Variants in DPYSL4 observed in about 807,000 individuals in gnomAD.
DPYSL4 encodes dihydropyrimidinase like 4, also known as dihydropyrimidinase-related protein 4.
A neutral mutation model predicts 63.4 loss-of-function variants in DPYSL4; 43 were observed. That is an observed-to-expected ratio of 0.68 (90% CI 0.53 to 0.88). The LOEUF (loss-of-function observed/expected upper bound fraction) is 0.88, where lower values mean the gene tolerates loss of function less well. DPYSL4 is among the 40% of genes least tolerant of loss of function. DPYSL4 has a pLI of 0.00. For synonymous variants in DPYSL4, 353 were observed against 331.7 expected, an observed-to-expected ratio of 1.06 and a Z score of -0.70; for missense variants, 733 against 819.5, an observed-to-expected ratio of 0.89 and a Z score of 1.29.
At position 132,202,703 on chromosome 10, in the gene DPYSL4, A is replaced by T. The variant is rs769780529; in HGVS notation, c.1339A>T (p.Ile447Leu). 2 of 1,613,402 alleles carry T rather than the reference A, an allele frequency of 1.2e-6. No homozygotes were observed. The highest frequency in any genetic ancestry group is 4.5e-5 in the East Asian group (2 of 44,864). The change falls in exon 12 of 14, where the codon ATA becomes TTA. Residue 447 changes from isoleucine (I) to leucine (L), a missense_variant. Ile to Leu is a conservative substitution (Grantham distance 5). Transcript: ENST00000338492. Reference protein sequence around the residue: ...VECRGAPAVVISQGRVALEDG... With the variant: ...VECRGAPAVVLSQGRVALEDG... ...GTGCCGGGGAGCGCCTGCCGTGGTC[A>T]TAAGTCAGGGCCGAGTGGCGCTGGA...
intron 3 of DPYSL4, among the ~76,000 whole-genome samples, chr10:132,194,408 C>T (rs1321543783): frequency 5.9e-5 from 9 of 152,212 alleles, no homozygotes; most frequent in Non-Finnish European, 1.3e-4. Context: ...GAAACCAGCC[C>T]AGCTCCCACT....
At position 132,187,110 on chromosome 10, in the gene DPYSL4, C is replaced by A; in HGVS notation, c.39+8C>A. On this transcript the variant is annotated splice_region_variant and intron_variant, in intron 1 of 13. Coordinates refer to ENST00000338492, the MANE Select transcript of DPYSL4 (RefSeq NM_006426.3). ...AGCATCCCCCGGATCACGGTGAGCCCGGTCCCGCTTCGCCCGGCGCCCCCT... is the reference window on the plus strand; with the variant it reads ...AGCATCCCCCGGATCACGGTGAGCCAGGTCCCGCTTCGCCCGGCGCCCCCT... 6.5e-7 allele frequency: 1 copy of A among 1,528,750 alleles called. No homozygotes were observed. The highest frequency in any genetic ancestry group is 8.8e-7 in the Non-Finnish European group (1 of 1,133,398). The allele number at this position is 1,528,750 out of a possible 1,614,324, so 94.7% of individuals were successfully genotyped here. A position where few individuals can be genotyped will look rare whatever the true frequency, so the allele number is the denominator to read the frequency against.
chr10:132,205,393 A>G lies in DPYSL4; in HGVS notation c.*463A>G, dbSNP rs2062083116. ...CTACACTCCCGCAGCCGCTCCTCAG[A>G]GGCCTGTGCCCATCGCAGGCCTGGG... On this transcript the variant is annotated 3_prime_UTR_variant, in exon 14 of 14. Coordinates refer to ENST00000338492, the MANE Select transcript of DPYSL4 (RefSeq NM_006426.3). 2 of 154,974 alleles carry G rather than the reference A, an allele frequency of 1.3e-5. No homozygotes were observed. The highest frequency in any genetic ancestry group is 6.5e-5 in the Admixed American group (1 of 15,482). 9.6% of individuals were successfully genotyped at this position (154,974 alleles called of 1,614,324 possible).
At position 132,199,101 on chromosome 10, in the gene DPYSL4, G is replaced by A. The variant is rs951624438; in HGVS notation, c.811+130G>A. ...GCACTGGACCCTGAGTCCCTGCATC[G>A]GGGTGGGGCACTGGACCCTGAGTCC... On this transcript the variant is annotated intron_variant, in intron 8 of 13. Transcript: ENST00000338492. The A allele has an allele frequency of 9.4e-5, 127 of 1,351,664 alleles. 1 individual carries two copies. The highest frequency in any genetic ancestry group is 1.5e-4 in the African/African-American group (10 of 68,270). The allele number at this position is 1,351,664 out of a possible 1,614,324, so 83.7% of individuals were successfully genotyped here.
chr10:132,190,687 C>T (rs1282144228), intron 1 of DPYSL4, 60 bp from the exon 2 acceptor site: 9 of 1,510,752 alleles, frequency 6.0e-6, no homozygotes, highest in Non-Finnish European at 7.3e-6. Flanking sequence ...AGGAGTTGCA[C>T]CAAGAGTGTT....
In DPYSL4 at chr10:132,198,953, G is replaced by T. The variant is rs777931098; in HGVS notation, c.793G>T (p.Ala265Ser). ...VMSKGAADAI[A>S]QAKRRGVVVF... ...GAGCAAGGGGGCGGCCGACGCCATC[G>T]CTCAGGCCAAGCGCAGAGGTGAGCA... Residue 265 changes from alanine (A) to serine (S), a missense_variant, in exon 8 of 14, where the codon GCT becomes TCT. Ala to Ser is a moderately conservative substitution (Grantham distance 99, BLOSUM62 1). Coordinates refer to ENST00000338492, the MANE Select transcript of DPYSL4 (RefSeq NM_006426.3). 1 of 1,611,944 alleles carries T rather than the reference G, an allele frequency of 6.2e-7. No homozygotes were observed. The highest frequency in any genetic ancestry group is 1.1e-5 in the South Asian group (1 of 90,992).
chr10:132,187,116 C>G lies in DPYSL4; in HGVS notation c.39+14C>G, dbSNP rs566685136. 16 of 1,527,964 alleles carry G rather than the reference C, an allele frequency of 1.0e-5. No individual in the cohort carries two copies. In the African/African-American group the frequency reaches 1.6e-4, roughly 15 times the overall value. 94.7% of individuals were successfully genotyped at this position (1,527,964 alleles called of 1,614,324 possible). ...CCCCGGATCACGGTGAGCCCGGTCC[C>G]GCTTCGCCCGGCGCCCCCTGCCCGC... On this transcript the variant is annotated intron_variant, in intron 1 of 13. Coordinates refer to ENST00000338492, the MANE Select transcript of DPYSL4 (RefSeq NM_006426.3).
Position 132,203,801 on chromosome 10 carries a change from G to A in DPYSL4, c.1501G>A (p.Gly501Arg), listed in dbSNP as rs61865802. 113 of 1,612,218 alleles carry A rather than the reference G, an allele frequency of 7.0e-5. No individual in the cohort carries two copies. The highest frequency in any genetic ancestry group is 4.7e-4 in the Admixed American group (28 of 59,978). ...IHGVPRGLYD[G>R]PVHEVMVPAK... ...CGGTGTGCCCCGTGGACTGTATGAC[G>A]GGCCCGTCCACGAGGTGATGGTGCC... The change falls in exon 13 of 14, where the codon GGG becomes AGG. Residue 501 changes from glycine to arginine, a missense_variant. Coordinates refer to ENST00000338492, the MANE Select transcript of DPYSL4 (RefSeq NM_006426.3).
chr10:132,194,743 C>T, intron 3 of DPYSL4, 102 bp from the exon 4 acceptor site: 1 of 1,475,300 alleles, frequency 6.8e-7, no homozygotes, highest in East Asian at 2.3e-5. Context: ...CTCAAATGGT[C>T]CTCTGGTCTC....
chr10:132,189,801 A>C (rs1004855746), intron 1 of DPYSL4, among the ~76,000 whole-genome samples: 1 of 152,214 alleles, frequency 6.6e-6, no homozygotes, highest in African/African-American at 2.4e-5. Context: ...CAGCAGCCAA[A>C]GGTGATCTCT....
At chr10:132,199,011 G>A (rs781596909) in intron 8 of DPYSL4, 40 bp downstream of exon 8, 1 of 1,596,042 alleles carries the variant, frequency 6.3e-7, no homozygotes, top group Non-Finnish European at 8.6e-7. Flanking sequence ...AGGGGCCATG[G>A]TCTCGGCCTC....
intron 3 of DPYSL4, among the ~76,000 whole-genome samples, chr10:132,193,985 G>A (rs1310939321): frequency 6.6e-6 from 1 of 152,272 alleles, no homozygotes; most frequent in Non-Finnish European, 1.5e-5. Flanking sequence ...AAGCCGGTCA[G>A]GACGTCTGCA....
intron 6 of DPYSL4, among the ~76,000 whole-genome samples, chr10:132,197,361 C>T (rs139292939): frequency 6.3e-4 from 96 of 152,350 alleles, no homozygotes; most frequent in African/African-American, 2.2e-3. Flanking sequence ...TCCAAAATAC[C>T]TCAAAAGCAA....
intron 1 of DPYSL4, 51 bp downstream of exon 1, chr10:132,187,153 G>T: frequency 7.1e-7 from 1 of 1,403,900 alleles, no homozygotes; most frequent in Non-Finnish European, 9.7e-7. Flanking sequence ...GCCCGGAGTG[G>T]GGCCTGGACG....
In DPYSL4 at chr10:132,204,982, G is replaced by A. The variant is rs1399315325; in HGVS notation, c.*52G>A. 2.7e-6 allele frequency: 4 copies of A among 1,463,480 alleles called. No individual in the cohort carries two copies. In the East Asian group the frequency reaches 7.1e-5, roughly 26 times the overall value. The allele number at this position is 1,463,480 out of a possible 1,614,324, so 90.7% of individuals were successfully genotyped here. On this transcript the variant is annotated 3_prime_UTR_variant, in exon 14 of 14. Coordinates refer to ENST00000338492, the MANE Select transcript of DPYSL4 (RefSeq NM_006426.3). ...TGCTGGCCCCACCCGAGGCCGCGGG[G>A]GCCCCAGGGCACTCGCCCCCCTCCT... is the stretch of plus-strand genomic sequence containing the variant.
chr10:132,195,087 G>A (rs750877207), intron 4 of DPYSL4, 78 bp downstream of exon 4: 181 of 1,494,228 alleles, frequency 1.2e-4, no homozygotes, highest in Admixed American at 2.4e-4. Flanking sequence ...GTGTTCTGCC[G>A]ATGGTGCTGC....
chr10:132,202,950 C>A, intron 12 of DPYSL4, 125 bp downstream of exon 12: 1 of 1,204,628 alleles, frequency 8.3e-7, no homozygotes, highest in South Asian at 1.6e-5. Context: ...AGCGGGGCCG[C>A]TGCTTGCCCA....
chr10:132,192,070 C>T (rs923730107), intron 2 of DPYSL4, among the ~76,000 whole-genome samples: 1 of 151,636 alleles, frequency 6.6e-6, no homozygotes, highest in African/African-American at 2.4e-5. Context: ...AAAATAGTTC[C>T]CAGCTCTTGT....
At position 132,200,878 on chromosome 10, in the gene DPYSL4, C is replaced by G. The variant is rs1456167019; in HGVS notation, c.1005C>G (p.Thr335=). 8.7e-6 allele frequency: 14 copies of G among 1,613,036 alleles called. No individual in the cohort carries two copies. Among genetic ancestry groups the G allele is most frequent in the Admixed American group, 1.7e-5 (1 of 59,994 alleles). ...DLQVTGSAHC[T]FTTAQKAVGK... ...AGGTGACAGGCAGCGCCCACTGCACCTTCACCACTGCCCAGAAGGCTGTGG... is the reference window on the plus strand; with the variant it reads ...AGGTGACAGGCAGCGCCCACTGCACGTTCACCACTGCCCAGAAGGCTGTGG... The change falls in exon 10 of 14, where the codon ACC becomes ACG. Residue 335 remains threonine (T), a synonymous_variant. Coordinates refer to ENST00000338492, the MANE Select transcript of DPYSL4 (RefSeq NM_006426.3).
Sources: allele counts gnomAD v4.1 joint callset (sites outside exome capture counted in the v4.1 genomes callset), GRCh38; gene constraint gnomAD v4.1.1; transcripts MANE v1.5; gene names NCBI Gene and HGNC (gene_info 2026-07-23, HGNC 2026-07-21).